ANK3: variants seen among roughly 807,000 people sequenced by gnomAD.
The protein encoded by ANK3 is ankyrin 3.
ANK3 carries 57 observed loss-of-function variants against 370.9 expected under a neutral mutation model. The ratio of observed to expected loss-of-function variants is 0.15; its 90% CI spans 0.12 to 0.19. The LOEUF is 0.19. Among genes scored for constraint, ANK3 ranks in the 10% least tolerant of loss-of-function variants. The pLI is 1.00. For synonymous variants in ANK3, 1,929 were observed against 1,946.3 expected, an observed-to-expected ratio of 0.99 and a Z score of 0.23; for missense variants, 4,439 against 5,302.1, an observed-to-expected ratio of 0.84 and a Z score of 5.06.
chr10:60,162,161 G>A (rs2132282848), intron 23 of ANK3, among the ~76,000 whole-genome samples: 1 of 152,064 alleles, frequency 6.6e-6, no homozygotes, highest in East Asian at 1.9e-4. Flanking sequence ...GCATTCTTGG[G>A]TTCTATATAT....
chr10:60,264,317 T>C lies in ANK3; in HGVS notation c.514-297A>G, dbSNP rs541861219. On this transcript the variant is annotated intron_variant, in intron 5 of 43. Coordinates refer to ENST00000280772, the MANE Select transcript of ANK3 (RefSeq NM_020987.5). The stretch of plus-strand genomic sequence containing the variant: ...TGAAAGTGTACAAAAATACTACATA[T>C]AAAAGAAAAAGTTGCTATAATATCA... Among the ~76,000 whole-genome samples, 3 of 152,086 alleles carry C rather than the reference T, an allele frequency of 2.0e-5. No homozygotes were observed. The South Asian group carries it at 6.2e-4, about 32-fold the overall frequency.
chr10:60,241,335 T>C (rs560128968), intron 7 of ANK3, among the ~76,000 whole-genome samples: 1 of 152,328 alleles, frequency 6.6e-6, no homozygotes, highest in East Asian at 1.9e-4. Context: ...GTAAATACGA[T>C]TGTAATTTTA....
At chr10:60,654,058 T>C (rs2078828922) in intron 1 of ANK3, among the ~76,000 whole-genome samples, 1 of 152,248 alleles carries the variant, frequency 6.6e-6, no homozygotes, top group Non-Finnish European at 1.5e-5. Flanking sequence ...TGTGCATCAT[T>C]TAATATTGCA....
chr10:60,635,187 C>T (rs2078536943), intron 1 of ANK3, among the ~76,000 whole-genome samples: 1 of 152,092 alleles, frequency 6.6e-6, no homozygotes, highest in Non-Finnish European at 1.5e-5. Flanking sequence ...ATCTACACCT[C>T]CAGATATAGT....
Position 60,681,931 on chromosome 10 carries a change from C to T in ANK3, c.57+51332G>A, listed in dbSNP as rs150961571. 9.9e-4 allele frequency among the ~76,000 whole-genome samples: 151 copies of T among 152,248 alleles called. 1 individual carries two copies. The highest frequency in any genetic ancestry group is 6.8e-3 in the Middle Eastern group (2 of 294). On this transcript the variant is annotated intron_variant, in intron 1 of 43. Transcript: ENST00000373827. ...ACTTTGGACACCAGGGCCGGAGAAT[C>T]ACCTGAGGCCAGGAGTTCAAGACCA...
chr10:60,470,023 A>G (rs1437617232), intron 2 of ANK3, among the ~76,000 whole-genome samples: 1 of 152,052 alleles, frequency 6.6e-6, no homozygotes, highest in African/African-American at 2.4e-5. Flanking sequence ...TGATAGAGAA[A>G]ACAGGGAGCA....
chr10:60,172,120 G>A (rs146474728), intron 21 of ANK3, among the ~76,000 whole-genome samples, 188 bp downstream of exon 21: 10 of 152,144 alleles, frequency 6.6e-5, no homozygotes, highest in Non-Finnish European at 1.3e-4. Context: ...GGTATTCTTA[G>A]TGTTTTAAAC....
intron 2 of ANK3, among the ~76,000 whole-genome samples, chr10:60,547,676 G>A (rs1595253176): frequency 6.6e-6 from 1 of 151,906 alleles, no homozygotes; most frequent in East Asian, 1.9e-4. Context: ...GAGAGACAGA[G>A]AGAGAGAGAC....
chr10:60,643,306 G>A (rs191935068), intron 1 of ANK3, among the ~76,000 whole-genome samples: 115 of 152,246 alleles, frequency 7.6e-4, no homozygotes, highest in Admixed American at 1.9e-3. Flanking sequence ...AAAGCAGGGA[G>A]AAAAATGTAA....
intron 2 of ANK3, among the ~76,000 whole-genome samples, chr10:60,593,914 C>T (rs1432850174): frequency 6.6e-6 from 1 of 152,128 alleles, no homozygotes; most frequent in Non-Finnish European, 1.5e-5. Flanking sequence ...CACATACTTA[C>T]ACATTAAAAA....
intron 1 of ANK3, among the ~76,000 whole-genome samples, chr10:60,292,062 C>A (rs1269246748): frequency 6.6e-6 from 1 of 152,170 alleles, no homozygotes; most frequent in Non-Finnish European, 1.5e-5. Flanking sequence ...AACTTTATTT[C>A]ATTAGGATAT....
intron 1 of ANK3, among the ~76,000 whole-genome samples, chr10:60,655,171 T>C (rs1423880286): frequency 1.3e-5 from 2 of 152,046 alleles, no homozygotes; most frequent in African/African-American, 2.4e-5. Context: ...AGTATACTTT[T>C]TAATCATCAT....
chr10:60,509,844 T>A (rs565716481), intron 2 of ANK3, among the ~76,000 whole-genome samples: 1 of 152,250 alleles, frequency 6.6e-6, no homozygotes, highest in Admixed American at 6.5e-5. Context: ...TAAAGTTTCT[T>A]TAAGGATTGT....
intron 1 of ANK3, among the ~76,000 whole-genome samples, chr10:60,308,986 A>G (rs2045786078): frequency 6.6e-6 from 1 of 152,164 alleles, no homozygotes; most frequent in Non-Finnish European, 1.5e-5. Context: ...GAATTCGAAT[A>G]GTTGAATTCA....
At chr10:60,658,559 A>C (rs2078896453) in intron 1 of ANK3, among the ~76,000 whole-genome samples, 1 of 152,096 alleles carries the variant, frequency 6.6e-6, no homozygotes, top group Non-Finnish European at 1.5e-5. Flanking sequence ...ATAGAGTTAT[A>C]ATTTTGTTTT....
intron 6 of ANK3, among the ~76,000 whole-genome samples, chr10:60,263,491 C>T (rs1296778022): frequency 6.6e-6 from 1 of 152,204 alleles, no homozygotes; most frequent in East Asian, 1.9e-4. Flanking sequence ...TTTGTGTACA[C>T]TGTCTTCAGT....
intron 2 of ANK3, among the ~76,000 whole-genome samples, chr10:60,571,431 C>G (rs1463142896): frequency 6.6e-6 from 1 of 152,142 alleles, no homozygotes; most frequent in Admixed American, 6.6e-5. Flanking sequence ...TTTATCTTCT[C>G]TACTATAGCC....
intron 21 of ANK3, among the ~76,000 whole-genome samples, chr10:60,169,942 C>T (rs1168625943): frequency 6.6e-6 from 1 of 152,106 alleles, no homozygotes; most frequent in Admixed American, 6.5e-5. Flanking sequence ...CATTTCCTTA[C>T]TTTTTGACAC....
intron 1 of ANK3, chr10:60,685,106 A>T: frequency 9.3e-7 from 1 of 1,072,304 alleles, no homozygotes; most frequent in Non-Finnish European, 1.3e-6. Context: ...ATCTGTGTGG[A>T]GGAGGTTTTC....
Sources: gnomAD v4.1 joint callset for allele counts (sites outside exome capture counted in the v4.1 genomes callset) on GRCh38, gnomAD v4.1.1 for gene constraint, MANE v1.5 for transcripts, NCBI Gene and HGNC (gene_info 2026-07-23, HGNC 2026-07-21) for gene names.